Variants in LHFPL6 observed in about 807,000 individuals in gnomAD.
The protein encoded by LHFPL6 is LHFPL tetraspan subfamily member 6, also known as LHFPL tetraspan subfamily member 6 protein.
Under a neutral mutation model 20.6 loss-of-function variants are expected in LHFPL6, and 9 were observed. That is an observed-to-expected ratio of 0.44 (90% CI 0.26 to 0.76). The LOEUF (loss-of-function observed/expected upper bound fraction) is 0.76. Ranked by LOEUF, LHFPL6 falls within the 30% of genes least tolerant of loss-of-function variation. LHFPL6 has a pLI of 0.20. For synonymous variants in LHFPL6, 105 were observed against 98.7 expected (o/e 1.06, Z -0.38); for missense variants, 218 against 253.5 (o/e 0.86, Z 0.95).
chr13:39,423,241 A>G (rs534468640), intron 2 of LHFPL6, among the ~76,000 whole-genome samples: 2 of 152,326 alleles, frequency 1.3e-5, no homozygotes, highest in Admixed American at 1.3e-4. Flanking sequence ...CTTGGTTAGA[A>G]TATCAACAAC....
intron 3 of LHFPL6, among the ~76,000 whole-genome samples, chr13:39,353,591 G>A (rs1339259288): frequency 6.6e-6 from 1 of 151,928 alleles, no homozygotes; most frequent in Non-Finnish European, 1.5e-5. Context: ...AGCCAGGTGT[G>A]GTGTCATGCG....
At chr13:39,505,997 C>G (rs1465708253) in intron 2 of LHFPL6, among the ~76,000 whole-genome samples, 1 of 152,154 alleles carries the variant, frequency 6.6e-6, no homozygotes, top group Non-Finnish European at 1.5e-5. Context: ...TAACCTCTAA[C>G]CACTCAACTC....
intron 2 of LHFPL6, among the ~76,000 whole-genome samples, chr13:39,525,422 G>A (rs909340785): frequency 3.3e-5 from 5 of 152,148 alleles, no homozygotes; most frequent in African/African-American, 9.6e-5. Flanking sequence ...TCGTAATATC[G>A]TATTACTGGA....
chr13:39,566,731 TAAAAAAAAAA>T (rs3035077), intron 2 of LHFPL6, among the ~76,000 whole-genome samples: 9 of 70,076 alleles, frequency 1.3e-4, no homozygotes, highest in South Asian at 6.6e-4. Flanking sequence ...AGACCCTGTC[TAAAAAAAAAA>T]AAAAAAAAAA....
chr13:39,577,962 A>G (rs1047418532), intron 2 of LHFPL6, among the ~76,000 whole-genome samples: 1 of 152,118 alleles, frequency 6.6e-6, no homozygotes, highest in African/African-American at 2.4e-5. Context: ...ACAACTCAAT[A>G]TTAATGCTGA....
At chr13:39,400,505 C>T (rs903684874) in intron 2 of LHFPL6, among the ~76,000 whole-genome samples, 14 of 152,116 alleles carry the variant, frequency 9.2e-5, no homozygotes, top group Non-Finnish European at 1.6e-4. Context: ...ATGGCAAGGC[C>T]GGGCGCGGTG....
At chr13:39,592,211 T>C (rs1186517675) in intron 2 of LHFPL6, among the ~76,000 whole-genome samples, 1 of 152,010 alleles carries the variant, frequency 6.6e-6, no homozygotes, top group Non-Finnish European at 1.5e-5. Context: ...AAACAAGCTT[T>C]TTAGAAAAAA....
intron 3 of LHFPL6, among the ~76,000 whole-genome samples, chr13:39,373,384 A>T (rs1870208212): frequency 6.6e-6 from 1 of 152,078 alleles, no homozygotes; most frequent in Non-Finnish European, 1.5e-5. Flanking sequence ...TAGGCATAGG[A>T]TCCCTTCTTC....
chr13:39,393,948 T>C (rs541193622), intron 2 of LHFPL6, among the ~76,000 whole-genome samples: 6 of 152,268 alleles, frequency 3.9e-5, no homozygotes, highest in African/African-American at 1.4e-4. Context: ...CCTTTCCTTT[T>C]TTCTTTCATA....
intron 2 of LHFPL6, among the ~76,000 whole-genome samples, chr13:39,441,823 CTTTTTTTTTTT>C (rs1168860757): frequency 9.1e-6 from 1 of 110,078 alleles, no homozygotes; most frequent in Non-Finnish European, 1.8e-5. Context: ...TGGGCTAAAA[CTTTTTTTTTTT>C]TTTTTTTTTT....
At chr13:39,410,641 A>C (rs1174161535) in intron 2 of LHFPL6, among the ~76,000 whole-genome samples, 1 of 152,240 alleles carries the variant, frequency 6.6e-6, no homozygotes, top group Non-Finnish European at 1.5e-5. Context: ...TAACATTCAC[A>C]ACAGATATTT....
intron 2 of LHFPL6, among the ~76,000 whole-genome samples, chr13:39,526,075 T>C (rs780348592): frequency 6.6e-6 from 1 of 152,182 alleles, no homozygotes; most frequent in Non-Finnish European, 1.5e-5. Flanking sequence ...TATTGTGTGA[T>C]GGTTAGGAAT....
intron 2 of LHFPL6, among the ~76,000 whole-genome samples, chr13:39,394,124 G>T (rs1870778920): frequency 6.6e-6 from 1 of 152,108 alleles, no homozygotes; most frequent in Non-Finnish European, 1.5e-5. Flanking sequence ...ATGTGTTGTA[G>T]AGATGGGGTC....
intron 2 of LHFPL6, among the ~76,000 whole-genome samples, chr13:39,428,512 T>C (rs996839739): frequency 6.6e-6 from 1 of 152,214 alleles, no homozygotes; most frequent in Non-Finnish European, 1.5e-5. Flanking sequence ...TCCCGTATTA[T>C]CATTGTAATC....
At chr13:39,511,452 T>C (rs1869702060) in intron 2 of LHFPL6, among the ~76,000 whole-genome samples, 1 of 143,312 alleles carries the variant, frequency 7.0e-6, no homozygotes, top group African/African-American at 2.8e-5. Flanking sequence ...CCCCTGTCAA[T>C]TGATTTAAAT....
At chr13:39,530,154 C>A (rs1287778654) in intron 2 of LHFPL6, among the ~76,000 whole-genome samples, 1 of 150,684 alleles carries the variant, frequency 6.6e-6, no homozygotes, top group African/African-American at 2.4e-5. Flanking sequence ...CAGTGGTGCA[C>A]ACCTGTAATT....
intron 2 of LHFPL6, among the ~76,000 whole-genome samples, chr13:39,452,710 CTG>C (rs1396579391): frequency 6.6e-6 from 1 of 152,148 alleles, no homozygotes; most frequent in Non-Finnish European, 1.5e-5. Flanking sequence ...ATGCTGAAGA[CTG>C]TAATTCAAGC....
At chr13:39,453,836 G>T (rs1872508110) in intron 2 of LHFPL6, among the ~76,000 whole-genome samples, 1 of 152,206 alleles carries the variant, frequency 6.6e-6, no homozygotes, top group South Asian at 2.1e-4. Flanking sequence ...AGCAAGTCGT[G>T]TGTGATATGG....
chr13:39,369,968 A>G (rs1300200355), intron 3 of LHFPL6, among the ~76,000 whole-genome samples: 1 of 152,158 alleles, frequency 6.6e-6, no homozygotes, highest in Non-Finnish European at 1.5e-5. Context: ...AAGTTATAAA[A>G]TAGAAATGTT....
Sources: gnomAD v4.1 joint callset for allele counts (sites outside exome capture counted in the v4.1 genomes callset) on GRCh38, gnomAD v4.1.1 for gene constraint, MANE v1.5 for transcripts, NCBI Gene and HGNC (gene_info 2026-07-23, HGNC 2026-07-21) for gene names.